Variants in C7 observed in about 807,000 individuals in gnomAD.
C7 encodes complement component C7.
C7 carries 83 observed loss-of-function variants against 104.8 expected under a neutral mutation model. The ratio of observed to expected loss-of-function variants is 0.79; its 90% confidence interval spans 0.66 to 0.95. The LOEUF (loss-of-function observed/expected upper bound fraction) is 0.95, where lower values mean the gene tolerates loss of function less well. Ranked by LOEUF, C7 falls within the 40% of genes least tolerant of loss-of-function variation. The probability of loss-of-function intolerance (pLI) is 0.00; values close to 1 mark genes in which losing one functional copy is unlikely to be tolerated. For synonymous variants in C7, 415 were observed against 360.6 expected, an observed-to-expected ratio of 1.15 and a Z score of -1.71; for missense variants, 1,070 against 1,011.2, an observed-to-expected ratio of 1.06 and a Z score of -0.79.
intron 9 of C7, among the ~76,000 whole-genome samples, chr5:40,951,056 C>T (rs550233543): frequency 2.0e-5 from 3 of 152,138 alleles, no homozygotes; most frequent in African/African-American, 4.8e-5. Context: ...GAGAAGGAAA[C>T]ATTTGGCAGG....
intron 14 of C7, among the ~76,000 whole-genome samples, chr5:40,968,859 G>C (rs1445664847): frequency 6.6e-6 from 1 of 151,314 alleles, no homozygotes; most frequent in Non-Finnish European, 1.5e-5. Flanking sequence ...TGATCTGCCT[G>C]CTTCAGTCTC....
In C7 at chr5:40,949,930, T is replaced by C. The variant is rs1046331172; in HGVS notation, c.1009T>C (p.Cys337Arg). Residue 337 changes from cysteine to arginine, a missense_variant, in exon 9 of 18, where the codon TGT becomes CGT. Cys to Arg is a radical substitution (Grantham distance 180). Coordinates refer to ENST00000313164, the MANE Select transcript of C7 (RefSeq NM_000587.4). ...TTTTAATTCAGTCGAAGAAAAGAAA[T>C]GTAAATCCTCAGGTTGGCATTTTGT... Reference protein sequence around the residue: ...NDFNSVEEKKCKSSGWHFVVK... With the variant: ...NDFNSVEEKKRKSSGWHFVVK... 10 of 1,595,756 alleles carry C rather than the reference T, an allele frequency of 6.3e-6. No homozygotes were observed. In the Admixed American group the frequency reaches 8.7e-5, roughly 14 times the overall value.
chr5:40,977,283 A>G (rs1394099460), intron 16 of C7, among the ~76,000 whole-genome samples: 1 of 152,222 alleles, frequency 6.6e-6, no homozygotes, highest in Non-Finnish European at 1.5e-5. Context: ...CACCAACTTG[A>G]AATCATTCCA....
At chr5:40,927,899 T>C (rs1165560398) in intron 1 of C7, among the ~76,000 whole-genome samples, 2 of 152,096 alleles carry the variant, frequency 1.3e-5, no homozygotes, top group Non-Finnish European at 2.9e-5. Context: ...AGGTTTGTCA[T>C]AAAACTTAAA....
chr5:40,932,530 A>C (rs990340849), intron 3 of C7, among the ~76,000 whole-genome samples: 2 of 152,186 alleles, frequency 1.3e-5, no homozygotes, highest in Admixed American at 1.3e-4. Context: ...ATAGAAGATA[A>C]TTATTATTTT....
rs778313738 is a variant in C7, at chr5:40,959,447, A to G, written c.1490-2A>G. ...TTGATCAACCTCTTTCTCATCTTGTAGGAGGGGTTGATGGAGGTTGGAGTT... is the reference window on the plus strand; with the variant it reads ...TTGATCAACCTCTTTCTCATCTTGTGGGAGGGGTTGATGGAGGTTGGAGTT... On this transcript the variant is annotated splice_acceptor_variant, in intron 11 of 17. Transcript: ENST00000313164. LOFTEE classifies it high-confidence loss of function. 1.2e-6 allele frequency: 2 copies of G among 1,608,842 alleles called. No individual in the cohort carries two copies. Among genetic ancestry groups the G allele is most frequent in the African/African-American group, 1.3e-5 (1 of 74,818 alleles).
At chr5:40,916,968 C>T (rs558007059) in intron 1 of C7, among the ~76,000 whole-genome samples, 11 of 151,892 alleles carry the variant, frequency 7.2e-5, no homozygotes, top group Admixed American at 4.6e-4. Context: ...AACCCAGTCT[C>T]TACTAAAAAT....
At chr5:40,954,890 A>AAAGG (rs1554043283) in intron 9 of C7, 1 of 267,444 alleles carries the variant, frequency 3.7e-6, no homozygotes, top group South Asian at 3.6e-5. Context: ...AAAAAAAAAA[A>AAAGG]AAAAAAAAAA....
chr5:40,917,488 T>C (rs1211926295), intron 1 of C7, among the ~76,000 whole-genome samples: 6 of 152,222 alleles, frequency 3.9e-5, no homozygotes, highest in South Asian at 4.1e-4. Context: ...TACTATTTCA[T>C]TGTGTCTCTT....
chr5:40,914,086 C>T (rs1346171664), intron 1 of C7, among the ~76,000 whole-genome samples: 1 of 152,206 alleles, frequency 6.6e-6, no homozygotes, highest in African/African-American at 2.4e-5. Context: ...GCCTTGTCCT[C>T]TCAAAGTGTT....
intron 4 of C7, 99 bp downstream of exon 4, chr5:40,934,565 A>C (rs1016082078): frequency 4.9e-5 from 60 of 1,213,438 alleles, no homozygotes; most frequent in Non-Finnish European, 6.5e-5. Context: ...CTGAATTTAT[A>C]TTGGCCTAAA....
intron 8 of C7, among the ~76,000 whole-genome samples, chr5:40,949,407 G>T (rs532273865): frequency 3.3e-4 from 50 of 150,820 alleles, no homozygotes; most frequent in South Asian, 8.4e-4. Flanking sequence ...GAGTAGAAAT[G>T]ATCACATTCT....
intron 6 of C7, among the ~76,000 whole-genome samples, chr5:40,940,882 T>C (rs1739920422): frequency 6.6e-6 from 1 of 152,110 alleles, no homozygotes; most frequent in African/African-American, 2.4e-5. Flanking sequence ...ACTTTAGAAG[T>C]CTGGCTCCAA....
intron 7 of C7, 26 bp downstream of exon 7, chr5:40,945,394 T>C: frequency 6.7e-7 from 1 of 1,501,508 alleles, no homozygotes; most frequent in East Asian, 2.3e-5. Flanking sequence ...CAGTTAACTT[T>C]TCCATGTTTT....
chr5:40,931,354 T>C (rs1378911641), intron 3 of C7, among the ~76,000 whole-genome samples: 8 of 152,220 alleles, frequency 5.3e-5, no homozygotes, highest in Admixed American at 5.2e-4. Context: ...TGTATATTCA[T>C]TTTTCTAGAT....
At chr5:40,910,969 AT>A (rs1162698513) in intron 1 of C7, 1 of 152,172 alleles carries the variant, frequency 6.6e-6, no homozygotes, top group Non-Finnish European at 1.5e-5. Flanking sequence ...CATTATTATA[AT>A]ATTTTACTGC....
intron 1 of C7, among the ~76,000 whole-genome samples, chr5:40,917,487 A>T (rs1335711022): frequency 2.0e-5 from 3 of 152,088 alleles, no homozygotes; most frequent in Admixed American, 2.0e-4. Context: ...GTACTATTTC[A>T]TTGTGTCTCT....
chr5:40,958,963 A>C (rs920758567), intron 11 of C7, among the ~76,000 whole-genome samples: 4 of 152,216 alleles, frequency 2.6e-5, no homozygotes, highest in African/African-American at 9.6e-5. Flanking sequence ...AGAGGCTTAT[A>C]TACAAGCATT....
chr5:40,922,133 T>C (rs1267416713), intron 1 of C7, among the ~76,000 whole-genome samples: 1 of 151,438 alleles, frequency 6.6e-6, no homozygotes, highest in Non-Finnish European at 1.5e-5. Flanking sequence ...TCCCAGCACT[T>C]TGGGAGGCTG....
Sources: gnomAD v4.1 joint callset for allele counts (sites outside exome capture counted in the v4.1 genomes callset) on GRCh38, gnomAD v4.1.1 for gene constraint, MANE v1.5 for transcripts, NCBI Gene and HGNC (gene_info 2026-07-23, HGNC 2026-07-21) for gene names.